The following ALK variants were observed in gnomAD, a reference collection of about 807,000 sequenced individuals.
ALK encodes ALK receptor tyrosine kinase.
ALK carries 74 observed loss-of-function variants against 163.1 expected under a neutral mutation model. That is an observed-to-expected ratio of 0.45 (90% CI 0.38 to 0.55). The LOEUF is 0.55. Among genes scored for constraint, ALK ranks in the 20% least tolerant of loss-of-function variants. ALK has a pLI of 0.00. For synonymous variants in ALK, 960 were observed against 843.2 expected (o/e 1.14, Z -2.40); for missense variants, 2,063 against 2,105.3 (o/e 0.98, Z 0.39).
chr2:29,309,619 A>T (rs920824351), intron 8 of ALK, among the ~76,000 whole-genome samples: 6 of 151,554 alleles, frequency 4.0e-5, no homozygotes, highest in Non-Finnish European at 8.8e-5. Flanking sequence ...TGCTGGGGTA[A>T]GAATGACTTT....
At chr2:29,815,097 G>C (rs912668510) in intron 1 of ALK, among the ~76,000 whole-genome samples, 1 of 149,964 alleles carries the variant, frequency 6.7e-6, no homozygotes, top group Non-Finnish European at 1.5e-5. Flanking sequence ...GTTTTGCAAG[G>C]TATGTCTGGA....
At chr2:29,269,364 G>A (rs535662896) in intron 11 of ALK, among the ~76,000 whole-genome samples, 1 of 152,310 alleles carries the variant, frequency 6.6e-6, no homozygotes, top group South Asian at 2.1e-4. Flanking sequence ...GTTCACTGAT[G>A]TCCACCTCTT....
chr2:29,352,772 G>C (rs1668152621), intron 5 of ALK, among the ~76,000 whole-genome samples: 1 of 152,226 alleles, frequency 6.6e-6, no homozygotes, highest in South Asian at 2.1e-4. Context: ...TTTGTGGGAA[G>C]TGGGCAGAGT....
intron 3 of ALK, among the ~76,000 whole-genome samples, chr2:29,578,102 GA>G (rs1558392633): frequency 6.6e-6 from 1 of 152,056 alleles, no homozygotes; most frequent in African/African-American, 2.4e-5. Context: ...CCCAGTGGGA[GA>G]TAACTGAATC....
chr2:29,727,066 C>T (rs1679595467), intron 1 of ALK, among the ~76,000 whole-genome samples: 1 of 152,172 alleles, frequency 6.6e-6, no homozygotes, highest in Non-Finnish European at 1.5e-5. Flanking sequence ...TAACTGAGGA[C>T]AATAGATCCC....
intron 11 of ALK, among the ~76,000 whole-genome samples, chr2:29,259,382 T>C (rs990680608): frequency 5.3e-5 from 8 of 152,170 alleles, no homozygotes; most frequent in Non-Finnish European, 8.8e-5. Flanking sequence ...CCTTACTTCG[T>C]CATAGTTCTG....
At chr2:29,199,206 G>C (rs10173244) in intron 26 of ALK, among the ~76,000 whole-genome samples, 2 of 151,988 alleles carry the variant, frequency 1.3e-5, no homozygotes, top group Admixed American at 1.3e-4. Flanking sequence ...CACCCACCTC[G>C]GCCTCCCAAA....
intron 26 of ALK, among the ~76,000 whole-genome samples, chr2:29,206,039 C>T: frequency 6.6e-6 from 1 of 152,264 alleles, no homozygotes; most frequent in East Asian, 1.9e-4. Context: ...TCAGTCTCTT[C>T]AGAGAGAGAG....
intron 2 of ALK, among the ~76,000 whole-genome samples, chr2:29,699,470 A>T (rs776953058): frequency 2.0e-5 from 3 of 152,214 alleles, no homozygotes; most frequent in East Asian, 1.9e-4. Flanking sequence ...AGTGTTGTTC[A>T]TCTCTCTCCT....
intron 3 of ALK, among the ~76,000 whole-genome samples, chr2:29,534,494 C>T (rs1673202564): frequency 6.6e-6 from 1 of 151,996 alleles, no homozygotes; most frequent in Non-Finnish European, 1.5e-5. Context: ...GAAGACAGTC[C>T]CATGTCCAAT....
At chr2:29,792,550 G>A (rs2148358308) in intron 1 of ALK, among the ~76,000 whole-genome samples, 1 of 152,224 alleles carries the variant, frequency 6.6e-6, no homozygotes, top group African/African-American at 2.4e-5. Context: ...CACATCTTTA[G>A]ATAAGACAGG....
chr2:29,195,503 C>T (rs192162769), intron 28 of ALK, among the ~76,000 whole-genome samples: 7 of 152,106 alleles, frequency 4.6e-5, no homozygotes, highest in Non-Finnish European at 7.4e-5. Flanking sequence ...GAGGCCGAGG[C>T]GGGTGGATCA....
intron 4 of ALK, among the ~76,000 whole-genome samples, chr2:29,463,833 C>T (rs1671142952): frequency 6.6e-6 from 1 of 152,120 alleles, no homozygotes; most frequent in African/African-American, 2.4e-5. Context: ...GAAAGCAGTA[C>T]CAGAAATCAT....
At chr2:29,219,324 G>A (rs1169048342) in intron 23 of ALK, among the ~76,000 whole-genome samples, 3 of 152,166 alleles carry the variant, frequency 2.0e-5, no homozygotes, top group African/African-American at 7.2e-5. Flanking sequence ...ACTGAGATGC[G>A]TCACCCAGTG....
chr2:29,399,672 G>A (rs895378089), intron 4 of ALK, among the ~76,000 whole-genome samples: 2 of 152,220 alleles, frequency 1.3e-5, no homozygotes, highest in East Asian at 3.9e-4. Flanking sequence ...TCTGCCTGCT[G>A]TGTGTGCCTG....
chr2:29,234,595 C>G (rs1382333125), intron 13 of ALK, among the ~76,000 whole-genome samples: 1 of 152,088 alleles, frequency 6.6e-6, no homozygotes, highest in Non-Finnish European at 1.5e-5. Context: ...GGATTCTCCA[C>G]CCACCCTGGG....
chr2:29,462,269 G>A (rs1211429466), intron 4 of ALK, among the ~76,000 whole-genome samples: 1 of 152,204 alleles, frequency 6.6e-6, no homozygotes, highest in Admixed American at 6.5e-5. Flanking sequence ...TGATAAAGCA[G>A]TAGCAGGGTT....
At chr2:29,638,950 T>A (rs778975983) in intron 3 of ALK, among the ~76,000 whole-genome samples, 2 of 152,192 alleles carry the variant, frequency 1.3e-5, no homozygotes, top group Non-Finnish European at 2.9e-5. Context: ...GACCACATGG[T>A]TGCTCCTGCT....
At chr2:29,271,243 A>G (rs1012342042) in intron 11 of ALK, among the ~76,000 whole-genome samples, 5 of 152,256 alleles carry the variant, frequency 3.3e-5, no homozygotes, top group African/African-American at 1.2e-4. Context: ...TACTTGGAAC[A>G]TAATGGCTCT....
Sources: gnomAD v4.1 joint callset for allele counts (sites outside exome capture counted in the v4.1 genomes callset) on GRCh38, gnomAD v4.1.1 for gene constraint, MANE v1.5 for transcripts, NCBI Gene and HGNC (gene_info 2026-07-23, HGNC 2026-07-21) for gene names.